The following TMEM132C variants were observed in gnomAD, a reference collection of about 807,000 sequenced individuals.
TMEM132C encodes protein phosphatase 1, regulatory subunit 152.
TMEM132C carries 29 observed loss-of-function variants against 61.4 expected under a neutral mutation model. That is an observed-to-expected ratio of 0.47 (90% CI 0.35 to 0.64). The LOEUF (loss-of-function observed/expected upper bound fraction) is 0.64. Ranked by LOEUF, TMEM132C falls within the 30% of genes least tolerant of loss-of-function variation. The probability of loss-of-function intolerance (pLI) is 0.00; values close to 1 mark genes in which losing one functional copy is unlikely to be tolerated. For synonymous variants in TMEM132C, 656 were observed against 633.1 expected, an observed-to-expected ratio of 1.04 and a Z score of -0.54; for missense variants, 1,408 against 1,476.9, an observed-to-expected ratio of 0.95 and a Z score of 0.76.
intron 1 of TMEM132C, among the ~76,000 whole-genome samples, chr12:128,268,461 C>T (rs573730715): frequency 1.3e-5 from 2 of 152,256 alleles, no homozygotes; most frequent in African/African-American, 4.8e-5. Context: ...CTGCCCGAGT[C>T]CCGGGGCGCG....
At chr12:128,424,910 A>C (rs1446715084) in intron 2 of TMEM132C, among the ~76,000 whole-genome samples, 1 of 152,122 alleles carries the variant, frequency 6.6e-6, no homozygotes, top group African/African-American at 2.4e-5. Context: ...CACTCTTTCT[A>C]ATTTATTATT....
Position 128,705,546 on chromosome 12 carries a change from G to A in TMEM132C, c.2578G>A (p.Ala860Thr), listed in dbSNP as rs1249604977. The change falls in exon 9 of 9, where the codon GCC becomes ACC. Residue 860 changes from alanine to threonine, a missense_variant. Coordinates refer to ENST00000435159, the MANE Select transcript of TMEM132C (RefSeq NM_001136103.3). ...EGALRRATTTARSLLDNKVVK... is the reference protein window; with the variant it reads ...EGALRRATTTTRSLLDNKVVK... ...GGCTCTCCGAAGAGCCACTACCACG[G>A]CCAGGTCCCTGCTGGACAACAAAGT... 6.4e-7 allele frequency: 1 copy of A among 1,550,984 alleles called. No individual in the cohort carries two copies. The highest frequency in any genetic ancestry group is 8.7e-7 in the Non-Finnish European group (1 of 1,147,006).
At chr12:128,538,062 C>G (rs1230830465) in intron 2 of TMEM132C, among the ~76,000 whole-genome samples, 1 of 152,080 alleles carries the variant, frequency 6.6e-6, no homozygotes, top group Non-Finnish European at 1.5e-5. Flanking sequence ...TCCCCCATAG[C>G]TGGGACTACA....
chr12:128,636,060 A>AT (rs918244842), intron 4 of TMEM132C, among the ~76,000 whole-genome samples: 3 of 151,682 alleles, frequency 2.0e-5, no homozygotes, highest in Admixed American at 1.3e-4. Flanking sequence ...TCATCCACAT[A>AT]TTTTTTTTGA....
chr12:128,504,148 A>T (rs76154355), intron 2 of TMEM132C, among the ~76,000 whole-genome samples: 3 of 152,206 alleles, frequency 2.0e-5, no homozygotes, highest in South Asian at 2.1e-4. Context: ...GACAGCCCCA[A>T]GCTGTTCATG....
intron 2 of TMEM132C, among the ~76,000 whole-genome samples, chr12:128,535,396 AAAAC>A (rs1286237698): frequency 5.3e-5 from 8 of 152,194 alleles, no homozygotes; most frequent in Non-Finnish European, 7.3e-5. Flanking sequence ...TTACAAGAAA[AAAAC>A]AAACAACCCC....
intron 2 of TMEM132C, among the ~76,000 whole-genome samples, chr12:128,501,140 C>G (rs768478676): frequency 6.6e-6 from 1 of 152,132 alleles, no homozygotes; most frequent in African/African-American, 2.4e-5. Context: ...ACTTCCATAG[C>G]TCTCCCCCAT....
intron 4 of TMEM132C, among the ~76,000 whole-genome samples, chr12:128,653,574 C>G (rs76101914): frequency 7.9e-5 from 12 of 152,306 alleles, no homozygotes; most frequent in African/African-American, 2.4e-4. Context: ...TGGCTCCCCT[C>G]CTGACCTCCA....
intron 1 of TMEM132C, among the ~76,000 whole-genome samples, chr12:128,295,638 CAAA>C (rs59555369): frequency 0.01 from 1,183 of 115,994 alleles, 3 homozygotes; most frequent in Middle Eastern, 0.014. Context: ...TTAAGTCCTT[CAAA>C]AAAAAAAAAA....
At chr12:128,680,668 G>A (rs1205189976) in intron 5 of TMEM132C, among the ~76,000 whole-genome samples, 1 of 152,176 alleles carries the variant, frequency 6.6e-6, no homozygotes, top group Admixed American at 6.5e-5. Context: ...CCTTTGACTG[G>A]TAGGAGCTAT....
At chr12:128,284,647 C>T (rs992779933) in intron 1 of TMEM132C, among the ~76,000 whole-genome samples, 4 of 152,110 alleles carry the variant, frequency 2.6e-5, no homozygotes, top group East Asian at 3.9e-4. Context: ...TTAGACTTCC[C>T]GTGTAACTCT....
At chr12:128,432,381 C>A (rs989051319) in intron 2 of TMEM132C, among the ~76,000 whole-genome samples, 1 of 152,102 alleles carries the variant, frequency 6.6e-6, no homozygotes, top group Non-Finnish European at 1.5e-5. Flanking sequence ...AAATGGAAAA[C>A]CTTCTGGAAA....
intron 2 of TMEM132C, among the ~76,000 whole-genome samples, chr12:128,483,909 C>T (rs912906036): frequency 3.3e-5 from 5 of 152,150 alleles, no homozygotes; most frequent in East Asian, 3.9e-4. Flanking sequence ...CAAAGCTCAT[C>T]GCTTCCCAGT....
At chr12:128,328,376 G>T (rs1276814179) in intron 1 of TMEM132C, among the ~76,000 whole-genome samples, 1 of 152,184 alleles carries the variant, frequency 6.6e-6, no homozygotes, top group Admixed American at 6.5e-5. Context: ...GAACTGTTGT[G>T]GTAGAACTAA....
chr12:128,487,327 A>C lies in TMEM132C; in HGVS notation c.975-56630A>C, dbSNP rs527876681. ...ACCCTCTTCCCCGACCAACTTCACTATGTTGTTCTAGCCCTGAAATGAAGA... is the reference window on the plus strand; with the variant it reads ...ACCCTCTTCCCCGACCAACTTCACTCTGTTGTTCTAGCCCTGAAATGAAGA... On this transcript the variant is annotated intron_variant, in intron 2 of 8. Transcript: ENST00000435159. Among the ~76,000 whole-genome samples the C allele has an allele frequency of 3.9e-5, 6 of 152,244 alleles. No individual in the cohort carries two copies. The South Asian group carries it at 6.2e-4, about 16-fold the overall frequency.
At chr12:128,700,125 C>T (rs934381373) in intron 8 of TMEM132C, among the ~76,000 whole-genome samples, 37 of 152,218 alleles carry the variant, frequency 2.4e-4, no homozygotes, top group African/African-American at 8.2e-4. Flanking sequence ...TATGGCCGGC[C>T]GCTCCCCATC....
intron 2 of TMEM132C, among the ~76,000 whole-genome samples, chr12:128,487,014 C>T (rs75854751): frequency 1.3e-5 from 2 of 152,228 alleles, no homozygotes; most frequent in African/African-American, 4.8e-5. Context: ...AATTGCTACT[C>T]TGTTCTAGAA....
intron 5 of TMEM132C, among the ~76,000 whole-genome samples, chr12:128,692,110 T>G (rs1954724889): frequency 6.6e-6 from 1 of 152,138 alleles, no homozygotes; most frequent in Admixed American, 6.5e-5. Flanking sequence ...CATCAGTGTG[T>G]GCATCCACCC....
intron 4 of TMEM132C, among the ~76,000 whole-genome samples, chr12:128,621,816 G>C (rs1953965793): frequency 6.6e-6 from 1 of 152,158 alleles, no homozygotes; most frequent in South Asian, 2.1e-4. Flanking sequence ...CCTAGGCCTT[G>C]GGGTAGAAAC....
Sources: gnomAD v4.1 joint callset for allele counts (sites outside exome capture counted in the v4.1 genomes callset) on GRCh38, gnomAD v4.1.1 for gene constraint, MANE v1.5 for transcripts, NCBI Gene and HGNC (gene_info 2026-07-23, HGNC 2026-07-21) for gene names.